Variants in KSR1 observed in about 807,000 individuals in gnomAD.
The protein encoded by KSR1 is kinase suppressor of ras.
Under a neutral mutation model 92.9 loss-of-function variants are expected in KSR1, and 35 were observed. The observed-to-expected ratio is 0.38, with a 90% CI of 0.29 to 0.50. The LOEUF (loss-of-function observed/expected upper bound fraction) is 0.50, where lower values mean the gene tolerates loss of function less well. Among genes scored for constraint, KSR1 ranks in the 20% least tolerant of loss-of-function variants. KSR1 has a pLI of 0.94. For missense variants in KSR1, 972 were observed against 1,158.5 expected (o/e 0.84, Z 2.34); for synonymous variants, 467 against 472.6 (o/e 0.99, Z 0.15).
At chr17:27,608,108 G>A in intron 15 of KSR1, 98 bp downstream of exon 15, 1 of 847,208 alleles carries the variant, frequency 1.2e-6, no homozygotes, top group Non-Finnish European at 1.9e-6. Context: ...GGTGGTTTGG[G>A]CAGCTTTGCC....
At chr17:27,475,258 G>T (rs1394673317) in intron 1 of KSR1, among the ~76,000 whole-genome samples, 2 of 152,306 alleles carry the variant, frequency 1.3e-5, no homozygotes, top group Non-Finnish European at 2.9e-5. Flanking sequence ...TGCACTCACG[G>T]GTCTCTGAGC....
At chr17:27,545,256 T>C (rs1399494407) in intron 1 of KSR1, among the ~76,000 whole-genome samples, 1 of 152,240 alleles carries the variant, frequency 6.6e-6, no homozygotes, top group East Asian at 1.9e-4. Context: ...CTGTCCTGGC[T>C]TTTGAGATGT....
intron 19 of KSR1, 30 bp from the exon 20 acceptor site, chr17:27,621,163 C>T (rs2074212895): frequency 2.5e-6 from 1 of 398,708 alleles, no homozygotes; most frequent in Non-Finnish European, 4.4e-6. Flanking sequence ...TCTTCCCACG[C>T]CTGGTGGAAT....
At chr17:27,619,156 G>C (rs1473449910) in intron 19 of KSR1, among the ~76,000 whole-genome samples, 1 of 152,146 alleles carries the variant, frequency 6.6e-6, no homozygotes, top group Non-Finnish European at 1.5e-5. Context: ...CCGTCCCTGT[G>C]TATGTGTGTC....
intron 2 of KSR1, chr17:27,566,594 G>A (rs1013256738): frequency 3.0e-5 from 12 of 398,994 alleles, no homozygotes; most frequent in South Asian, 1.3e-4. Context: ...GGGTCTGGGC[G>A]CAGGAGGCCA....
chr17:27,607,741 A>G (rs1210525891), intron 14 of KSR1, among the ~76,000 whole-genome samples, 173 bp from the exon 15 acceptor site: 3 of 152,146 alleles, frequency 2.0e-5, no homozygotes, highest in Non-Finnish European at 2.9e-5. Context: ...CTGCACGTTC[A>G]GGCCAGGCCC....
intron 1 of KSR1, among the ~76,000 whole-genome samples, chr17:27,497,884 G>A (rs997314821): frequency 6.6e-6 from 1 of 152,174 alleles, no homozygotes; most frequent in East Asian, 1.9e-4. Flanking sequence ...AAGTCTGGCA[G>A]AGTCAGTGCG....
chr17:27,622,221 A>G (rs1489051062), intron 20 of KSR1: 2 of 500,340 alleles, frequency 4.0e-6, no homozygotes, highest in African/African-American at 3.9e-5. Flanking sequence ...CTTCCTGGAC[A>G]TGACTGATTG....
chr17:27,484,354 C>T (rs1367324232), intron 1 of KSR1, among the ~76,000 whole-genome samples: 1 of 152,236 alleles, frequency 6.6e-6, no homozygotes. Context: ...GCCTTAGCCT[C>T]TGGAGTTGCT....
chr17:27,589,212 T>A (rs73274047), intron 6 of KSR1, among the ~76,000 whole-genome samples: 3,170 of 152,260 alleles, frequency 0.021, 124 homozygotes, highest in African/African-American at 0.072. Flanking sequence ...CCTTCCCAAA[T>A]CCTGTGAGGC....
chr17:27,596,252 C>T (rs910741197), intron 9 of KSR1, among the ~76,000 whole-genome samples: 2 of 152,210 alleles, frequency 1.3e-5, no homozygotes, highest in African/African-American at 4.8e-5. Flanking sequence ...GTTGAATGGG[C>T]AATGAGCCAG....
chr17:27,528,847 G>A (rs2070421000), intron 1 of KSR1, among the ~76,000 whole-genome samples: 1 of 152,164 alleles, frequency 6.6e-6, no homozygotes, highest in Non-Finnish European at 1.5e-5. Context: ...TGAGGTTGCA[G>A]TGAGCTACGG....
intron 1 of KSR1, among the ~76,000 whole-genome samples, chr17:27,522,200 A>G (rs1213505426): frequency 6.6e-6 from 1 of 152,198 alleles, no homozygotes; most frequent in East Asian, 1.9e-4. Flanking sequence ...GGTCAAGGCA[A>G]CTACCCTTTG....
At chr17:27,475,586 C>T (rs1314439342) in intron 1 of KSR1, among the ~76,000 whole-genome samples, 1 of 152,192 alleles carries the variant, frequency 6.6e-6, no homozygotes, top group African/African-American at 2.4e-5. Flanking sequence ...ATGCTGGCAC[C>T]TGCCCGGTAT....
At chr17:27,585,932 TGTCTCCACC>T in intron 5 of KSR1, 1 of 520,180 alleles carries the variant, frequency 1.9e-6, no homozygotes, top group Non-Finnish European at 3.5e-6. Flanking sequence ...TGAAGAGCCC[TGTCTCCACC>T]TTGCCCTTCC....
At chr17:27,576,187 C>G (rs555318188) in intron 2 of KSR1, among the ~76,000 whole-genome samples, 1 of 152,272 alleles carries the variant, frequency 6.6e-6, no homozygotes, top group Admixed American at 6.5e-5. Flanking sequence ...TTAAAGGGCT[C>G]TTGTGATTGG....
At chr17:27,460,986 T>C (rs928273023) in intron 1 of KSR1, among the ~76,000 whole-genome samples, 3 of 152,210 alleles carry the variant, frequency 2.0e-5, no homozygotes, top group Admixed American at 6.5e-5. Context: ...GTAATGACTT[T>C]AGTAGCACAG....
At chr17:27,573,315 G>A (rs1323487436) in intron 2 of KSR1, among the ~76,000 whole-genome samples, 1 of 152,240 alleles carries the variant, frequency 6.6e-6, no homozygotes, top group Non-Finnish European at 1.5e-5. Flanking sequence ...CACCAAGGGA[G>A]GAAAGCGGGG....
intron 1 of KSR1, among the ~76,000 whole-genome samples, chr17:27,506,763 G>T (rs1389258754): frequency 6.7e-6 from 1 of 150,318 alleles, no homozygotes. Flanking sequence ...GGCTCCGCAG[G>T]TGTCATGAGT....
Sources: allele counts gnomAD v4.1 joint callset (sites outside exome capture counted in the v4.1 genomes callset), GRCh38; gene constraint gnomAD v4.1.1; transcripts MANE v1.5; gene names NCBI Gene and HGNC (gene_info 2026-07-23, HGNC 2026-07-21).